The following COPG2 variants were observed in gnomAD, a reference collection of about 807,000 sequenced individuals.
COPG2 encodes coat protein complex I subunit gamma 2, also known as coatomer subunit gamma-2.
COPG2 carries 37 observed loss-of-function variants against 46.3 expected under a neutral mutation model. The observed-to-expected ratio is 0.80, with a 90% confidence interval of 0.61 to 1.05. The LOEUF is 1.05. Ranked by LOEUF, COPG2 falls within the 50% of genes least tolerant of loss-of-function variation. COPG2 has a pLI of 0.00. For synonymous variants in COPG2, 159 were observed against 129.7 expected (o/e 1.23, Z -1.53); for missense variants, 427 against 387.8 (o/e 1.10, Z -0.85).
At chr7:130,513,341 A>ATATATGTGTGTG (rs1215646008) in intron 20 of COPG2, among the ~76,000 whole-genome samples, 9 of 51,558 alleles carry the variant, frequency 1.7e-4, no homozygotes, top group Admixed American at 4.9e-4. Flanking sequence ...ATATATATAT[A>ATATATGTGTGTG]TGTGTGTGTG....
chr7:130,627,211 C>T (rs1795134979), intron 5 of COPG2, among the ~76,000 whole-genome samples: 1 of 152,190 alleles, frequency 6.6e-6, no homozygotes, highest in Non-Finnish European at 1.5e-5. Flanking sequence ...TGAATTACAA[C>T]TGTGGAGTCC....
intron 4 of COPG2, among the ~76,000 whole-genome samples, chr7:130,655,542 T>C (rs1218385583): frequency 6.6e-6 from 1 of 152,120 alleles, no homozygotes; most frequent in Non-Finnish European, 1.5e-5. Context: ...CCTCAACAGA[T>C]CATGGAATCC....
chr7:130,628,347 AG>A (rs1711971331), intron 5 of COPG2, among the ~76,000 whole-genome samples: 1 of 151,522 alleles, frequency 6.6e-6, no homozygotes, highest in Non-Finnish European at 1.5e-5. Flanking sequence ...TTCCTTTACT[AG>A]TTTATTGTTT....
chr7:130,527,253 CAT>C lies in COPG2; in HGVS notation c.2150-18596_2150-18595del, dbSNP rs1397820579. 5.1e-3 allele frequency among the ~76,000 whole-genome samples: 771 copies of C among 151,370 alleles called. 8 individuals are homozygous for C. Among genetic ancestry groups the C allele is most frequent in the African/African-American group, 0.018 (733 of 41,260 alleles). On this transcript the variant is annotated intron_variant, in intron 20 of 23. Transcript: ENST00000425248. ...CTCTCATACAGAGTGGATTTTGAGA[CAT>C]GTGTGTTTCAGTGAGTAGACAGGGA...
intron 1 of COPG2, among the ~76,000 whole-genome samples, chr7:130,668,252 C>T (rs1279494575): frequency 4.2e-4 from 64 of 152,148 alleles, no homozygotes; most frequent in Non-Finnish European, 1.5e-5. Context: ...GCCCCGGGAA[C>T]AGGGTGCTCC....
chr7:130,590,719 C>T (rs1308823453), intron 9 of COPG2, among the ~76,000 whole-genome samples: 1 of 151,198 alleles, frequency 6.6e-6, no homozygotes, highest in African/African-American at 2.4e-5. Flanking sequence ...GGCCGCCCAT[C>T]GTCTGGGATG....
intron 9 of COPG2, among the ~76,000 whole-genome samples, chr7:130,571,849 A>G (rs370753825): frequency 6.8e-6 from 1 of 147,792 alleles, no homozygotes; most frequent in South Asian, 2.1e-4. Flanking sequence ...CTCTCTCTAT[A>G]TATATATATA....
chr7:130,594,329 A>C (rs1794485043), intron 9 of COPG2, among the ~76,000 whole-genome samples: 1 of 152,194 alleles, frequency 6.6e-6, no homozygotes. Flanking sequence ...ATTAAGTTGA[A>C]TCTCTATCCC....
At position 130,554,605 on chromosome 7, in the gene COPG2, G is replaced by A. The variant is rs1459383807; in HGVS notation, c.1344C>T (p.His448=). The change falls in exon 14 of 24, where the codon CAC becomes CAT. Residue 448 remains histidine, a synonymous_variant. Transcript: ENST00000425248. Reference sequence around the variant, plus strand: ...GTAGAATCTTAGTAGCCAGAACAGTGTGTTCACAGTCCTCAATGAATTCAC... The same window carrying A: ...GTAGAATCTTAGTAGCCAGAACAGTATGTTCACAGTCCTCAATGAATTCAC... ...HLCEFIEDCE[H]TVLATKILHL... 6 of 398,378 alleles carry A rather than the reference G, an allele frequency of 1.5e-5. No homozygotes were observed. The Admixed American group carries it at 2.2e-4, about 15-fold the overall frequency. 24.7% of individuals were successfully genotyped at this position (398,378 alleles called of 1,614,324 possible).
intron 9 of COPG2, among the ~76,000 whole-genome samples, chr7:130,594,019 T>G (rs1794479849): frequency 6.6e-6 from 1 of 151,986 alleles, no homozygotes; most frequent in African/African-American, 2.4e-5. Flanking sequence ...GAAAAGCTAC[T>G]TGCAACACAT....
In COPG2 at chr7:130,550,326, G is replaced by A. The variant is rs1052548655; in HGVS notation, c.1774+198C>T. Among the ~76,000 whole-genome samples the A allele has an allele frequency of 2.1e-4, 31 of 145,252 alleles. 1 individual carries two copies. Among genetic ancestry groups the A allele is most frequent in the Non-Finnish European group, 3.9e-4 (26 of 67,364 alleles). On this transcript the variant is annotated intron_variant, in intron 17 of 23. Transcript: ENST00000425248. ...CTCGGAAGGCTGAGGAAGGAGACTC[G>A]CTTGAACCCGGGAGGTAGAGGTTGC...
At chr7:130,599,747 T>C (rs868945126) in intron 9 of COPG2, among the ~76,000 whole-genome samples, 40 of 152,252 alleles carry the variant, frequency 2.6e-4, no homozygotes, top group South Asian at 6.2e-4. Context: ...CAGGAAAAAT[T>C]TGATATGAAA....
chr7:130,660,747 C>A (rs1047654690), intron 4 of COPG2, among the ~76,000 whole-genome samples: 1 of 152,180 alleles, frequency 6.6e-6, no homozygotes, highest in Non-Finnish European at 1.5e-5. Flanking sequence ...ACAATGATCA[C>A]CCACTGCCAC....
Position 130,580,472 on chromosome 7 carries a change from A to G in COPG2, c.738-16079T>C, listed in dbSNP as rs1354306500. On this transcript the variant is annotated intron_variant, in intron 9 of 23. Transcript: ENST00000425248. ...AGAGCAAACACATTCAAAAGCTAGC[A>G]GAAGGCAAGAAATAACTAAAATCAG... Among the ~76,000 whole-genome samples the G allele has an allele frequency of 2.4e-5, 3 of 124,098 alleles. No individual in the cohort carries two copies. The East Asian group carries it at 7.0e-4, about 29-fold the overall frequency. 81.4% of individuals were successfully genotyped at this position (124,098 alleles called of 152,430 possible).
chr7:130,535,100 AG>A (rs2116363825), intron 20 of COPG2, among the ~76,000 whole-genome samples: 1 of 152,320 alleles, frequency 6.6e-6, no homozygotes, highest in East Asian at 1.9e-4. Flanking sequence ...AGCGGTGAGG[AG>A]AGCAGGTCAA....
chr7:130,549,267 A>G, intron 18 of COPG2, 47 bp downstream of exon 18: 3 of 398,470 alleles, frequency 7.5e-6, no homozygotes, highest in Non-Finnish European at 1.3e-5. Context: ...TTATATTTAC[A>G]ATGCCTAGGG....
chr7:130,644,538 T>C (rs1381018065), intron 5 of COPG2, among the ~76,000 whole-genome samples: 3 of 152,140 alleles, frequency 2.0e-5, no homozygotes, highest in African/African-American at 4.8e-5. Flanking sequence ...CCATCTACCA[T>C]TTAAGTAGAT....
intron 20 of COPG2, among the ~76,000 whole-genome samples, chr7:130,525,198 C>T (rs1304420481): frequency 1.3e-5 from 2 of 152,132 alleles, no homozygotes; most frequent in Admixed American, 1.3e-4. Flanking sequence ...CAGGAGACAA[C>T]CTCACAAATC....
intron 5 of COPG2, among the ~76,000 whole-genome samples, chr7:130,629,743 C>A (rs1554454879): frequency 6.6e-6 from 1 of 151,998 alleles, no homozygotes; most frequent in East Asian, 1.9e-4. Flanking sequence ...ATTCTCTCAG[C>A]TCTTGAAATT....
Sources: allele counts gnomAD v4.1 joint callset (sites outside exome capture counted in the v4.1 genomes callset), GRCh38; gene constraint gnomAD v4.1.1; transcripts MANE v1.5; gene names NCBI Gene and HGNC (gene_info 2026-07-23, HGNC 2026-07-21).